The following SCARB1 variants were observed in gnomAD, a reference collection of about 807,000 sequenced individuals.
The protein encoded by SCARB1 is scavenger receptor class B member 1.
A neutral mutation model predicts 57.2 loss-of-function variants in SCARB1; 30 were observed. The observed-to-expected ratio is 0.52, with a 90% confidence interval of 0.39 to 0.71. The LOEUF is 0.71. Among genes scored for constraint, SCARB1 ranks in the 30% least tolerant of loss-of-function variants. The pLI, the probability that SCARB1 is intolerant of heterozygous loss-of-function variation, is 0.00. For missense variants in SCARB1, 543 were observed against 671.2 expected, an observed-to-expected ratio of 0.81 and a Z score of 2.11; for synonymous variants, 249 against 268.3, an observed-to-expected ratio of 0.93 and a Z score of 0.70.
At chr12:124,808,058 A>G in intron 6 of SCARB1, 131 bp from the exon 7 acceptor site, 1 of 836,654 alleles carries the variant, frequency 1.2e-6, no homozygotes, top group Non-Finnish European at 2.0e-6. Flanking sequence ...AACCGCCCCC[A>G]TCTCTCACCC....
At chr12:124,859,863 T>A (rs193251106) in intron 1 of SCARB1, among the ~76,000 whole-genome samples, 53 of 151,838 alleles carry the variant, frequency 3.5e-4, no homozygotes, top group Non-Finnish European at 5.6e-4. Context: ...GGGTTTTTTT[T>A]AAACATAAAT....
intron 4 of SCARB1, among the ~76,000 whole-genome samples, chr12:124,813,179 T>TG (rs571777057): frequency 1.4e-4 from 21 of 152,322 alleles, no homozygotes; most frequent in South Asian, 6.2e-4. Context: ...GACTCAGTTC[T>TG]GGCCAATAGA....
chr12:124,825,321 TAGAA>T (rs1951109784), intron 1 of SCARB1, among the ~76,000 whole-genome samples: 1 of 148,960 alleles, frequency 6.7e-6, no homozygotes, highest in Non-Finnish European at 1.5e-5. Context: ...AACTCTGCCC[TAGAA>T]AGATTCTCCT....
At chr12:124,787,370 C>A in intron 10 of SCARB1, 36 bp downstream of exon 10, 6 of 1,608,016 alleles carry the variant, frequency 3.7e-6, no homozygotes, top group Non-Finnish European at 4.3e-6. Context: ...TGGCTCTTAA[C>A]AAAAGCCCCC....
At position 124,837,380 on chromosome 12, in the gene SCARB1, G is replaced by A. The variant is rs139022912; in HGVS notation, c.127-19673C>T. Reference sequence around the variant, plus strand: ...ATGCCTATTTCTACTCACCCCACAAGCTAACAATCATTTTGCATTTTCAAA... The same window carrying A: ...ATGCCTATTTCTACTCACCCCACAAACTAACAATCATTTTGCATTTTCAAA... On this transcript the variant is annotated intron_variant, in intron 1 of 12. Transcript: ENST00000261693. Among the ~76,000 whole-genome samples the A allele has an allele frequency of 4.0e-5, 6 of 149,748 alleles. No homozygotes were observed. In the East Asian group the frequency reaches 1.2e-3, roughly 29 times the overall value.
At chr12:124,856,024 G>A (rs1278430054) in intron 1 of SCARB1, among the ~76,000 whole-genome samples, 2 of 152,214 alleles carry the variant, frequency 1.3e-5, no homozygotes, top group South Asian at 2.1e-4. Flanking sequence ...GCTTCGCCAC[G>A]TTCTAGTTAA....
chr12:124,851,110 A>C (rs1952385243), intron 1 of SCARB1, among the ~76,000 whole-genome samples: 1 of 152,170 alleles, frequency 6.6e-6, no homozygotes, highest in South Asian at 2.1e-4. Context: ...TTGACTCCAT[A>C]AGTTGTGCCA....
chr12:124,839,725 ACC>A (rs1951840183), intron 1 of SCARB1: 2 of 90,456 alleles, frequency 2.2e-5, no homozygotes, highest in African/African-American at 4.6e-5. Context: ...CCGCACCCTC[ACC>A]CCAACGGCAC....
At chr12:124,837,377 C>T (rs534677140) in intron 1 of SCARB1, among the ~76,000 whole-genome samples, 1 of 150,930 alleles carries the variant, frequency 6.6e-6, no homozygotes, top group African/African-American at 2.4e-5. Flanking sequence ...ACTCACCCCA[C>T]AAGCTAACAA....
intron 1 of SCARB1, among the ~76,000 whole-genome samples, chr12:124,820,801 G>A (rs904778095): frequency 4.6e-5 from 7 of 152,238 alleles, no homozygotes; most frequent in African/African-American, 1.7e-4. Flanking sequence ...GGGGGCAGGA[G>A]GGAACCGTAG....
chr12:124,826,758 C>T (rs565251736), intron 1 of SCARB1, among the ~76,000 whole-genome samples: 1 of 152,090 alleles, frequency 6.6e-6, no homozygotes, highest in South Asian at 2.1e-4. Flanking sequence ...CTGCACCTGG[C>T]CTCAATTTTT....
chr12:124,839,650 C>CA (rs1951833479), intron 1 of SCARB1: 1 of 985,234 alleles, frequency 1.0e-6, no homozygotes, highest in Non-Finnish European at 1.2e-6. Context: ...ACATTCCCAA[C>CA]GGCACACATG....
At chr12:124,793,566 G>A (rs1196871538) in intron 9 of SCARB1, among the ~76,000 whole-genome samples, 6 of 152,116 alleles carry the variant, frequency 3.9e-5, no homozygotes, top group African/African-American at 1.4e-4. Context: ...GGTGGCGGGC[G>A]CCTGTAGTCC....
intron 1 of SCARB1, among the ~76,000 whole-genome samples, chr12:124,853,897 G>T (rs1952528521): frequency 6.6e-6 from 1 of 152,146 alleles, no homozygotes; most frequent in South Asian, 2.1e-4. Flanking sequence ...CCTGCCACTG[G>T]TCACGAACCA....
At chr12:124,780,560 C>G (rs749536494) in intron 12 of SCARB1, among the ~76,000 whole-genome samples, 4 of 152,186 alleles carry the variant, frequency 2.6e-5, no homozygotes, top group Non-Finnish European at 5.9e-5. Context: ...CAAGCTGCAG[C>G]CAGCCACTGG....
chr12:124,863,382 C>A (rs1389222672), intron 1 of SCARB1, among the ~76,000 whole-genome samples: 1 of 151,432 alleles, frequency 6.6e-6, no homozygotes, highest in Admixed American at 6.5e-5. Flanking sequence ...CCCCTGGGTT[C>A]CCCCCTAGCC....
chr12:124,837,472 A>AAAGGAAGG (rs199725164), intron 1 of SCARB1, among the ~76,000 whole-genome samples: 762 of 72,582 alleles, frequency 0.01, 19 homozygotes, highest in African/African-American at 0.021. Flanking sequence ...AGAAAGAAAG[A>AAAGGAAGG]AAGGAAGGAA....
chr12:124,837,993 G>A (rs998563418), intron 1 of SCARB1, among the ~76,000 whole-genome samples: 1 of 152,250 alleles, frequency 6.6e-6, no homozygotes, highest in African/African-American at 2.4e-5. Flanking sequence ...ACATTTTGGT[G>A]TTCATAAATG....
chr12:124,846,280 A>G (rs949108531), intron 1 of SCARB1, among the ~76,000 whole-genome samples: 1 of 152,236 alleles, frequency 6.6e-6, no homozygotes, highest in African/African-American at 2.4e-5. Flanking sequence ...GAAACGCTGC[A>G]ACCACTTTGG....
Sources: allele counts gnomAD v4.1 joint callset (sites outside exome capture counted in the v4.1 genomes callset), GRCh38; gene constraint gnomAD v4.1.1; transcripts MANE v1.5; gene names NCBI Gene and HGNC (gene_info 2026-07-23, HGNC 2026-07-21).